Variants in CNTLN observed in about 807,000 individuals in gnomAD.
CNTLN encodes centlein.
Under a neutral mutation model 180.0 loss-of-function variants are expected in CNTLN, and 212 were observed. That is an observed-to-expected ratio of 1.18 (90% confidence interval 1.05 to 1.32). The LOEUF is 1.32. Among genes scored for constraint, CNTLN ranks in the 40% most tolerant of loss-of-function variants. The pLI, the probability that CNTLN is intolerant of heterozygous loss-of-function variation, is 0.00. For missense variants in CNTLN, 2,095 were observed against 1,610.9 expected (o/e 1.30, Z -5.14); for synonymous variants, 722 against 563.1 (o/e 1.28, Z -3.99).
intron 24 of CNTLN, among the ~76,000 whole-genome samples, chr9:17,486,421 A>G (rs1414899748): frequency 3.9e-5 from 6 of 152,110 alleles, no homozygotes; most frequent in African/African-American, 1.4e-4. Flanking sequence ...AATTCCAGAA[A>G]TATTCTGTCA....
chr9:17,309,141 T>C lies in CNTLN; in HGVS notation c.1230T>C (p.Asp410=), dbSNP rs201037878. The C allele has an allele frequency of 4.0e-5, 64 of 1,610,808 alleles. No individual in the cohort carries two copies. The highest frequency in any genetic ancestry group is 5.3e-5 in the Non-Finnish European group (63 of 1,178,210). Residue 410 remains aspartate (D), a synonymous_variant, in exon 8 of 26, where the codon GAT becomes GAC. Coordinates refer to ENST00000380647, the MANE Select transcript of CNTLN (RefSeq NM_017738.4). ...GGCAAAGTGTTACTAATCTTCAGGA[T>C]CAGCTATTACAAAAAGAGCAAGAAA... ...MLRQSVTNLQ[D]QLLQKEQENA...
intron 11 of CNTLN, 152 bp from the exon 12 acceptor site, chr9:17,342,173 A>T: frequency 5.2e-6 from 4 of 773,242 alleles, no homozygotes; most frequent in Non-Finnish European, 2.0e-6. Context: ...TGATTTCTAC[A>T]TGCTTAGGTT....
At chr9:17,291,561 G>T (rs960135889) in intron 6 of CNTLN, among the ~76,000 whole-genome samples, 3 of 152,118 alleles carry the variant, frequency 2.0e-5, no homozygotes, top group African/African-American at 7.2e-5. Context: ...ATTATGTAAT[G>T]CCCCTCTTTG....
chr9:17,517,545 T>C, the CNTLN span, among the ~76,000 whole-genome samples: 4 of 151,836 alleles, frequency 2.6e-5, no homozygotes, highest in South Asian at 8.3e-4. Flanking sequence ...GGGAGAGAGA[T>C]TGGGAGACAC....
chr9:17,269,433 A>G (rs1286687389), intron 5 of CNTLN, among the ~76,000 whole-genome samples: 6 of 152,052 alleles, frequency 3.9e-5, no homozygotes, highest in African/African-American at 7.2e-5. Context: ...CTTTTTCTGC[A>G]TCCCAGAAGT....
intron 8 of CNTLN, among the ~76,000 whole-genome samples, chr9:17,323,611 C>T (rs1820067494): frequency 6.6e-6 from 1 of 152,192 alleles, no homozygotes; most frequent in Non-Finnish European, 1.5e-5. Flanking sequence ...AACACTCCCT[C>T]ATCAGATAAT....
At chr9:17,491,393 G>T (rs966094382) in intron 25 of CNTLN, among the ~76,000 whole-genome samples, 3 of 152,032 alleles carry the variant, frequency 2.0e-5, no homozygotes, top group Non-Finnish European at 2.9e-5. Context: ...AATTTACTAG[G>T]TAGTTAACTT....
At chr9:17,236,639 T>C (rs568884823) in intron 5 of CNTLN, 51 bp downstream of exon 5, 2 of 1,443,424 alleles carry the variant, frequency 1.4e-6, no homozygotes, top group African/African-American at 2.9e-5. Flanking sequence ...TAACTTTTTC[T>C]AGGAAGTTTA....
intron 12 of CNTLN, among the ~76,000 whole-genome samples, chr9:17,353,079 G>T (rs10114730): frequency 0.6 from 90,100 of 151,226 alleles, 27,035 homozygotes; most frequent in East Asian, 0.73. Flanking sequence ...ATAAACCTAT[G>T]AGTGGAATCA....
intron 5 of CNTLN, among the ~76,000 whole-genome samples, chr9:17,273,169 T>C (rs1465889050): frequency 2.5e-5 from 3 of 119,644 alleles, no homozygotes; most frequent in Non-Finnish European, 5.2e-5. Context: ...TTAAAATCCT[T>C]TCACAATGAA....
intron 18 of CNTLN, among the ~76,000 whole-genome samples, chr9:17,423,331 G>T (rs117811176): frequency 6.6e-6 from 1 of 152,130 alleles, no homozygotes; most frequent in Non-Finnish European, 1.5e-5. Flanking sequence ...TCTGGCCCAG[G>T]GTGGGTCTAG....
chr9:17,505,795 G>T (rs1833923354), downstream of CNTLN, among the ~76,000 whole-genome samples: 1 of 152,036 alleles, frequency 6.6e-6, no homozygotes, highest in African/African-American at 2.4e-5. Context: ...ATGTATATGG[G>T]AACTCAGAAA....
At chr9:17,206,232 C>G (rs1822912414) in intron 2 of CNTLN, among the ~76,000 whole-genome samples, 1 of 152,034 alleles carries the variant, frequency 6.6e-6, no homozygotes, top group Non-Finnish European at 1.5e-5. Flanking sequence ...TTTTTTTAAC[C>G]AAACCAAACA....
chr9:17,394,965 C>A lies in CNTLN; in HGVS notation c.2511C>A (p.Cys837Ter). The A allele has an allele frequency of 6.2e-7, 1 of 1,613,756 alleles. No homozygotes were observed. Among genetic ancestry groups the A allele is most frequent in the Non-Finnish European group, 8.5e-7 (1 of 1,179,710 alleles). The change falls in exon 15 of 26, where the codon TGC becomes TGA. Residue 837 changes from cysteine (C) to a stop codon, truncating the protein, a stop_gained. Transcript: ENST00000380647. LOFTEE classifies it high-confidence loss of function. ...KVKFKAAKKN[C>*]SVGRHHTVLN... ...AATTTAAAGCTGCGAAGAAAAATTG[C>A]TCTGTGGGTCGTCACCACACTGTTC...
intron 18 of CNTLN, among the ~76,000 whole-genome samples, chr9:17,432,437 G>C (rs1829470481): frequency 6.6e-6 from 1 of 152,136 alleles, no homozygotes; most frequent in Non-Finnish European, 1.5e-5. Flanking sequence ...TGAGGGAAAT[G>C]ACTAGATGAT....
At chr9:17,217,634 A>G (rs115190385) in intron 2 of CNTLN, among the ~76,000 whole-genome samples, 2,069 of 152,364 alleles carry the variant, frequency 0.014, 53 homozygotes, top group African/African-American at 0.048. Flanking sequence ...AAACACTGGA[A>G]GAAACTTCTA....
At chr9:17,431,012 A>G (rs990033291) in intron 18 of CNTLN, among the ~76,000 whole-genome samples, 3 of 152,132 alleles carry the variant, frequency 2.0e-5, no homozygotes, top group Non-Finnish European at 2.9e-5. Context: ...TGCAGTAAAC[A>G]TGGGAATGGA....
intron 5 of CNTLN, among the ~76,000 whole-genome samples, chr9:17,271,481 GT>G (rs35014498): frequency 0.25 from 38,591 of 151,914 alleles, 5,025 homozygotes; most frequent in South Asian, 0.36. Context: ...AGTAATTTAG[GT>G]TTTTCATGAA....
At chr9:17,400,624 G>A (rs4961558) in intron 15 of CNTLN, among the ~76,000 whole-genome samples, 4,430 of 152,182 alleles carry the variant, frequency 0.029, 268 homozygotes, top group East Asian at 0.28. Context: ...TCATAGATAC[G>A]TTGTGAGAAA....
Sources: gnomAD v4.1 joint callset for allele counts (sites outside exome capture counted in the v4.1 genomes callset) on GRCh38, gnomAD v4.1.1 for gene constraint, MANE v1.5 for transcripts, NCBI Gene and HGNC (gene_info 2026-07-23, HGNC 2026-07-21) for gene names.